The following VPS13B variants were observed in gnomAD, a reference collection of about 807,000 sequenced individuals.
VPS13B encodes vacuolar protein sorting 13 homolog B, also known as intermembrane lipid transfer protein VPS13B.
Under a neutral mutation model 426.4 loss-of-function variants are expected in VPS13B, and 285 were observed. The observed-to-expected ratio is 0.67, with a 90% CI of 0.61 to 0.74. The LOEUF (loss-of-function observed/expected upper bound fraction) is 0.74, where lower values mean the gene tolerates loss of function less well. Among genes scored for constraint, VPS13B ranks in the 30% least tolerant of loss-of-function variants. VPS13B has a pLI of 0.00. For synonymous variants in VPS13B, 1,676 were observed against 1,676.4 expected (o/e 1.00, Z 0.01); for missense variants, 4,537 against 4,782.6 (o/e 0.95, Z 1.51).
chr8:99,782,975 C>T (rs1031367982), intron 42 of VPS13B, among the ~76,000 whole-genome samples: 2 of 152,038 alleles, frequency 1.3e-5, no homozygotes, highest in African/African-American at 4.8e-5. Flanking sequence ...TGTGAGAGGG[C>T]TTAGAAGTCC....
chr8:99,474,816 A>G (rs889291532), intron 24 of VPS13B, among the ~76,000 whole-genome samples: 17 of 152,178 alleles, frequency 1.1e-4, no homozygotes, highest in Admixed American at 3.9e-4. Context: ...CACACTTATC[A>G]TACAACCCAG....
chr8:99,240,793 T>C (rs1454824488), intron 17 of VPS13B: 1 of 152,662 alleles, frequency 6.6e-6, no homozygotes, highest in Non-Finnish European at 1.5e-5. Flanking sequence ...TTGGTAAGAC[T>C]AGCATAATCA....
intron 35 of VPS13B, among the ~76,000 whole-genome samples, chr8:99,664,615 G>C (rs1252268221): frequency 6.6e-6 from 1 of 152,048 alleles, no homozygotes; most frequent in Non-Finnish European, 1.5e-5. Context: ...ATGTTTTCCA[G>C]TTTCATCCTT....
intron 51 of VPS13B, among the ~76,000 whole-genome samples, chr8:99,830,302 G>A (rs547883318): frequency 6.6e-6 from 1 of 152,324 alleles, no homozygotes; most frequent in African/African-American, 2.4e-5. Flanking sequence ...CCTGCTCAGA[G>A]AGGAGGAATC....
intron 19 of VPS13B, among the ~76,000 whole-genome samples, chr8:99,287,323 C>T: frequency 6.6e-6 from 1 of 151,762 alleles, no homozygotes; most frequent in East Asian, 1.9e-4. Context: ...AGATACATCT[C>T]CTTATCTATG....
chr8:99,481,530 T>G, intron 24 of VPS13B, 69 bp from the exon 25 acceptor site: 1 of 1,486,916 alleles, frequency 6.7e-7, no homozygotes, highest in Non-Finnish European at 9.3e-7. Flanking sequence ...TTTCTCATAT[T>G]ATTATTTTAG....
chr8:99,793,254 CATATATATATATAT>C (rs779913773), intron 43 of VPS13B, among the ~76,000 whole-genome samples: 7 of 107,028 alleles, frequency 6.5e-5, no homozygotes, highest in East Asian at 5.6e-4. Flanking sequence ...TTGCCCTCTC[CATATATATATATAT>C]ATATATATAT....
At chr8:99,694,585 A>T (rs1248692292) in intron 35 of VPS13B, among the ~76,000 whole-genome samples, 10 of 104,846 alleles carry the variant, frequency 9.5e-5, no homozygotes, top group Non-Finnish European at 1.9e-4. Flanking sequence ...ACCTAAAACC[A>T]TAAAAACCCT....
intron 19 of VPS13B, among the ~76,000 whole-genome samples, chr8:99,321,016 T>G (rs1809949439): frequency 6.6e-6 from 1 of 152,158 alleles, no homozygotes. Flanking sequence ...CAATTGTCTT[T>G]TTAAATATTC....
intron 17 of VPS13B, among the ~76,000 whole-genome samples, chr8:99,209,248 C>T (rs1260962780): frequency 3.4e-5 from 5 of 148,194 alleles, no homozygotes; most frequent in Admixed American, 3.4e-4. Flanking sequence ...CACTGCACTC[C>T]ATCCAGCCTG....
intron 23 of VPS13B, among the ~76,000 whole-genome samples, chr8:99,458,577 C>T (rs1818648395): frequency 1.3e-5 from 2 of 152,126 alleles, no homozygotes; most frequent in South Asian, 2.1e-4. Flanking sequence ...CTCTCCAGCA[C>T]CTGTTGTTTC....
At chr8:99,730,372 G>C (rs1418916308) in intron 39 of VPS13B, among the ~76,000 whole-genome samples, 1 of 152,188 alleles carries the variant, frequency 6.6e-6, no homozygotes, top group Non-Finnish European at 1.5e-5. Flanking sequence ...AATAATAAAT[G>C]TTTTTGAATG....
intron 24 of VPS13B, among the ~76,000 whole-genome samples, chr8:99,469,686 G>T (rs1246390724): frequency 6.6e-6 from 1 of 152,144 alleles, no homozygotes; most frequent in Non-Finnish European, 1.5e-5. Context: ...GGATTGAATT[G>T]TGTCCCCGCA....
intron 33 of VPS13B, among the ~76,000 whole-genome samples, chr8:99,599,209 C>T (rs977856670): frequency 1.3e-5 from 2 of 152,110 alleles, no homozygotes; most frequent in East Asian, 1.9e-4. Flanking sequence ...TCTCAGTCAG[C>T]CCCTGTCCTC....
At chr8:99,649,981 T>C (rs373692388) in intron 34 of VPS13B, among the ~76,000 whole-genome samples, 1 of 152,276 alleles carries the variant, frequency 6.6e-6, no homozygotes, top group African/African-American at 2.4e-5. Context: ...TTCTCAGGTA[T>C]TTATTTGCTT....
chr8:99,309,552 G>C (rs1820836237), intron 19 of VPS13B, among the ~76,000 whole-genome samples: 1 of 152,050 alleles, frequency 6.6e-6, no homozygotes, highest in Non-Finnish European at 1.5e-5. Context: ...TCTCTGTTTT[G>C]GTACCAGTAC....
intron 22 of VPS13B, among the ~76,000 whole-genome samples, chr8:99,440,007 T>A (rs1011484193): frequency 1.3e-5 from 2 of 152,174 alleles, no homozygotes; most frequent in Non-Finnish European, 2.9e-5. Context: ...TATTGGTTTA[T>A]CTTCAGTATA....
intron 19 of VPS13B, among the ~76,000 whole-genome samples, chr8:99,382,790 A>G (rs1207210297): frequency 1.3e-5 from 2 of 152,128 alleles, no homozygotes; most frequent in Non-Finnish European, 2.9e-5. Context: ...CTCTCTTCCT[A>G]TCTGGATAGC....
Position 99,871,569 on chromosome 8 carries a change from G to A in VPS13B, c.11617G>A (p.Val3873Met). Residue 3873 changes from valine (V) to methionine (M), a missense_variant, in exon 61 of 62, where the codon GTG becomes ATG. Coordinates refer to ENST00000357162, the MANE Select transcript of VPS13B (RefSeq NM_152564.5). ...GCTGACATCAGAAGTGCTCTTCGTGGTGAGTGTCAGTGAGGACACACAGCA... is the reference window on the plus strand; with the variant it reads ...GCTGACATCAGAAGTGCTCTTCGTGATGAGTGTCAGTGAGGACACACAGCA... ...LLLTSEVLFV[V>M]SVSEDTQQQA... 1 of 1,614,192 alleles carries A rather than the reference G, an allele frequency of 6.2e-7. No individual in the cohort carries two copies. The highest frequency in any genetic ancestry group is 8.5e-7 in the Non-Finnish European group (1 of 1,180,042).
Sources: allele counts gnomAD v4.1 joint callset (sites outside exome capture counted in the v4.1 genomes callset), GRCh38; gene constraint gnomAD v4.1.1; transcripts MANE v1.5; gene names NCBI Gene and HGNC (gene_info 2026-07-23, HGNC 2026-07-21).